Variants in ABCA7 observed in about 807,000 individuals in gnomAD.
The protein encoded by ABCA7 is phospholipid-transporting ATPase ABCA7.
In ABCA7, 261 loss-of-function variants were observed where a neutral mutation model predicts 227.6. That is an observed-to-expected ratio of 1.15 (90% confidence interval 1.04 to 1.27). The LOEUF (loss-of-function observed/expected upper bound fraction) is 1.27. ABCA7 is among the 50% of genes most tolerant of loss of function. ABCA7 has a pLI of 0.00. For missense variants in ABCA7, 3,331 were observed against 2,924.5 expected (o/e 1.14, Z -3.21); for synonymous variants, 1,488 against 1,279.7 (o/e 1.16, Z -3.47).
chr19:1,062,158 G>A lies in ABCA7; in HGVS notation c.5571-14G>A. The A allele has an allele frequency of 1.9e-6, 3 of 1,610,170 alleles. No individual in the cohort carries two copies. Among genetic ancestry groups the A allele is most frequent in the Non-Finnish European group, 8.5e-7 (1 of 1,178,552 alleles). On this transcript the variant is annotated splice_polypyrimidine_tract_variant and intron_variant, in intron 41 of 46. Coordinates refer to ENST00000263094, the MANE Select transcript of ABCA7 (RefSeq NM_019112.4). ...CTAGCCAGCTCTCTGAGCCCCCGGC[G>A]CCCCCATCCCCAGCGTGGCCCGGGA...
intron 41 of ABCA7, 124 bp downstream of exon 41, chr19:1,062,012 AC>A: frequency 7.1e-7 from 1 of 1,408,668 alleles, no homozygotes; most frequent in Non-Finnish European, 9.6e-7. Context: ...GGTCTCTGAG[AC>A]CCCTGCACCT....
chr19:1,052,082 C>G lies in ABCA7; in HGVS notation c.3103C>G (p.Leu1035Val), dbSNP rs368812150. ...CCGTCACCTGGGCTCCGGCTACTACCTGACGCTGGTGAAGGCCCGCCTGCC... is the reference window on the plus strand; with the variant it reads ...CCGTCACCTGGGCTCCGGCTACTACGTGACGCTGGTGAAGGCCCGCCTGCC... ...LRRHLGSGYY[L>V]TLVKARLPLT... Residue 1035 changes from leucine (L) to valine (V), a missense_variant, in exon 22 of 47, where the codon CTG becomes GTG. By Grantham distance (32) the Leu-to-Val change is conservative. Coordinates refer to ENST00000263094, the MANE Select transcript of ABCA7 (RefSeq NM_019112.4). 3.7e-6 allele frequency: 6 copies of G among 1,612,242 alleles called. No individual in the cohort carries two copies. In the African/African-American group the frequency reaches 8.0e-5, roughly 22 times the overall value.
intron 41 of ABCA7, 56 bp from the exon 42 acceptor site, chr19:1,062,116 A>G (rs1248746960): frequency 1.3e-6 from 2 of 1,590,750 alleles, no homozygotes; most frequent in South Asian, 1.1e-5. Flanking sequence ...TGTGTTAGCC[A>G]CCAGTATGGT....
Position 1,057,406 on chromosome 19 carries a change from C to T in ABCA7, c.4857C>T (p.Leu1619=). The part of the protein sequence containing the change: ...AYVAPANLPA[L]LLLLLLYGWS... ...TGGCCCCTGCCAACCTGCCTGCTCTCCTGCTGTTGCTACTACTGTATGGGT... is the reference window on the plus strand; with the variant it reads ...TGGCCCCTGCCAACCTGCCTGCTCTTCTGCTGTTGCTACTACTGTATGGGT... The change falls in exon 35 of 47, where the codon CTC becomes CTT. Residue 1619 remains leucine, a synonymous_variant. Transcript: ENST00000263094. The T allele has an allele frequency of 6.2e-7, 1 of 1,613,926 alleles. No homozygotes were observed. The highest frequency in any genetic ancestry group is 8.5e-7 in the Non-Finnish European group (1 of 1,180,012).
At position 1,051,176 on chromosome 19, in the gene ABCA7, C is replaced by T. The variant is rs1243231250; in HGVS notation, c.2706C>T (p.Val902=). The change falls in exon 20 of 47, where the codon GTC becomes GTT. Residue 902 remains valine (V), a synonymous_variant. Transcript: ENST00000263094. Reference sequence around the variant, plus strand: ...GCAGGCTGACCGTGGACGAGCACGTCTGGTTCTATGGGCGGCTGAAGGGTC... The same window carrying T: ...GCAGGCTGACCGTGGACGAGCACGTTTGGTTCTATGGGCGGCTGAAGGGTC... ...LFDMLTVDEH[V]WFYGRLKGLS... The T allele has an allele frequency of 6.2e-7, 1 of 1,611,310 alleles. No homozygotes were observed. The highest frequency in any genetic ancestry group is 8.5e-7 in the Non-Finnish European group (1 of 1,179,916).
intron 12 of ABCA7, chr19:1,045,722 C>G (rs554319727): frequency 7.3e-5 from 12 of 165,330 alleles, no homozygotes; most frequent in Non-Finnish European, 1.4e-4. Flanking sequence ...CAGGTGAGGC[C>G]GGGCACAGTG....
chr19:1,047,110 C>A, intron 14 of ABCA7, 47 bp from the exon 15 acceptor site: 1 of 1,567,572 alleles, frequency 6.4e-7, no homozygotes, highest in Non-Finnish European at 8.6e-7. Context: ...TGCGCGCCCC[C>A]AGGCCAATCC....
chr19:1,059,136 C>G (rs1260643764), intron 40 of ABCA7, 51 bp downstream of exon 40: 3 of 1,576,576 alleles, frequency 1.9e-6, no homozygotes, highest in Non-Finnish European at 2.6e-6. Context: ...GGCTGCCCTA[C>G]TGCATGCCCT....
chr19:1,053,326 C>A lies in ABCA7; in HGVS notation c.3221-3C>A. On this transcript the variant is annotated splice_region_variant and splice_polypyrimidine_tract_variant and intron_variant, in intron 23 of 46. Transcript: ENST00000263094. Reference sequence around the variant, plus strand: ...TCCCTGAAGCACCCCTTTGTCCACACAGGCACTCCTCAGCTGCTGGCCCTG... The same window carrying A: ...TCCCTGAAGCACCCCTTTGTCCACAAAGGCACTCCTCAGCTGCTGGCCCTG... 1 of 1,607,864 alleles carries A rather than the reference C, an allele frequency of 6.2e-7. No individual in the cohort carries two copies. The highest frequency in any genetic ancestry group is 8.5e-7 in the Non-Finnish European group (1 of 1,178,484).
At chr19:1,052,734 A>G (rs1358212498) in intron 23 of ABCA7, among the ~76,000 whole-genome samples, 1 of 133,224 alleles carries the variant, frequency 7.5e-6, no homozygotes, top group Non-Finnish European at 1.6e-5. Flanking sequence ...GAAGGAGAGG[A>G]GGAGGAGAGC....
chr19:1,046,130 G>T, intron 12 of ABCA7, 100 bp from the exon 13 acceptor site: 1 of 1,353,048 alleles, frequency 7.4e-7, no homozygotes, highest in Admixed American at 2.0e-5. Context: ...TCCAGCCTGG[G>T]CGACAGAGCA....
At chr19:1,041,487 G>A (rs2144667723) in intron 2 of ABCA7, 23 bp from the exon 3 acceptor site, 1 of 1,613,568 alleles carries the variant, frequency 6.2e-7, no homozygotes, top group Non-Finnish European at 8.5e-7. Flanking sequence ...GTCCCCCACC[G>A]TCTCCCACCT....
At position 1,043,240 on chromosome 19, in the gene ABCA7, A is replaced by T. The variant is rs756554074; in HGVS notation, c.779A>T (p.Asp260Val). 6 of 1,607,520 alleles carry T rather than the reference A, an allele frequency of 3.7e-6. No homozygotes were observed. The Admixed American group carries it at 1.0e-4, about 27-fold the overall frequency. ...VGQEPESALPDSSLSPACSEL... is the reference protein window; with the variant it reads ...VGQEPESALPVSSLSPACSEL... ...CAGGAGCCAGAATCCGCCCTGCCAG[A>T]CAGCAGCCTGAGTGAGTGACTGACC... Residue 260 changes from aspartate (D) to valine (V), a missense_variant, in exon 8 of 47, where the codon GAC (aspartate) becomes GTC (valine). Coordinates refer to ENST00000263094, the MANE Select transcript of ABCA7 (RefSeq NM_019112.4).
chr19:1,053,450 C>A lies in ABCA7; in HGVS notation c.3342C>A (p.Ala1114=). 6.2e-7 allele frequency: 1 copy of A among 1,601,698 alleles called. No homozygotes were observed. ...PYTGAHDGSF[A]TLFRELDTRL... ...CGGGTGCCCATGACGGCAGCTTCGC[C>A]ACACTCTTCCGAGAGCTAGACACGC... is the stretch of plus-strand genomic sequence containing the variant. The change falls in exon 24 of 47, where the codon GCC becomes GCA. Residue 1114 remains alanine, a synonymous_variant. Transcript: ENST00000263094.
Position 1,053,410 on chromosome 19 carries a change from T to G in ABCA7, c.3302T>G (p.Leu1101Arg). ...GAGGAGCTGCCACACGAGCTGGTGCTGGTGCTGCCCTACACGGGTGCCCAT... is the reference window on the plus strand; with the variant it reads ...GAGGAGCTGCCACACGAGCTGGTGCGGGTGCTGCCCTACACGGGTGCCCAT... ...LVEELPHELV[L>R]VLPYTGAHDG... Residue 1101 changes from leucine to arginine, a missense_variant, in exon 24 of 47, where the codon CTG becomes CGG. Physicochemically the swap from Leu to Arg is moderately radical, Grantham distance 102. Transcript: ENST00000263094. 1 of 1,608,382 alleles carries G rather than the reference T, an allele frequency of 6.2e-7. No individual in the cohort carries two copies. Among genetic ancestry groups the G allele is most frequent in the African/African-American group, 1.3e-5 (1 of 74,952 alleles).
Position 1,049,308 on chromosome 19 carries a change from C to G in ABCA7, c.2423C>G (p.Ser808Cys). 1.2e-6 allele frequency: 2 copies of G among 1,611,418 alleles called. No homozygotes were observed. The highest frequency in any genetic ancestry group is 1.7e-6 in the Non-Finnish European group (2 of 1,179,122). Reference sequence around the variant, plus strand: ...CCGCCCGGCCTGAGTCCTGGCGTCTCCGTTCGCAGCCTGGAGAAGCGCTTT... The same window carrying G: ...CCGCCCGGCCTGAGTCCTGGCGTCTGCGTTCGCAGCCTGGAGAAGCGCTTT... ...EAPPGLSPGV[S>C]VRSLEKRFPG... Residue 808 changes from serine to cysteine, a missense_variant, in exon 18 of 47, where the codon TCC becomes TGC. Physicochemically the swap from Ser to Cys is moderately radical, Grantham distance 112. Coordinates refer to ENST00000263094, the MANE Select transcript of ABCA7 (RefSeq NM_019112.4).
chr19:1,042,229 C>A, intron 5 of ABCA7, 53 bp downstream of exon 5: 1 of 1,562,580 alleles, frequency 6.4e-7, no homozygotes, highest in Non-Finnish European at 8.8e-7. Flanking sequence ...CTCAACTTGC[C>A]GGGCCGTGAA....
At chr19:1,041,677 C>G (rs2040051751) in intron 3 of ABCA7, 74 bp downstream of exon 3, 1 of 1,577,722 alleles carries the variant, frequency 6.3e-7, no homozygotes, top group Admixed American at 1.7e-5. Context: ...ACAGGAATCC[C>G]CCGTGCATGT....
intron 3 of ABCA7, 77 bp downstream of exon 3, chr19:1,041,680 G>C (rs2040052003): frequency 1.9e-6 from 3 of 1,574,464 alleles, no homozygotes; most frequent in Admixed American, 3.4e-5. Flanking sequence ...GGAATCCCCC[G>C]TGCATGTCAG....
Sources: gnomAD v4.1 joint callset for allele counts (sites outside exome capture counted in the v4.1 genomes callset) on GRCh38, gnomAD v4.1.1 for gene constraint, MANE v1.5 for transcripts, NCBI Gene and HGNC (gene_info 2026-07-23, HGNC 2026-07-21) for gene names.